SYNDIG1: variants seen among roughly 807,000 people sequenced by gnomAD.
SYNDIG1 encodes synapse differentiation-inducing gene protein 1.
Under a neutral mutation model 19.4 loss-of-function variants are expected in SYNDIG1, and 9 were observed. The ratio of observed to expected loss-of-function variants is 0.46; its 90% confidence interval spans 0.28 to 0.81. The LOEUF (loss-of-function observed/expected upper bound fraction) is 0.81, where lower values mean the gene tolerates loss of function less well. Among genes scored for constraint, SYNDIG1 ranks in the 30% least tolerant of loss-of-function variants. The pLI is 0.12. For synonymous variants in SYNDIG1, 141 were observed against 145.9 expected (o/e 0.97, Z 0.24); for missense variants, 311 against 343.3 (o/e 0.91, Z 0.74).
chr20:24,485,842 C>A (rs1051386654), intron 1 of SYNDIG1, among the ~76,000 whole-genome samples: 1 of 152,182 alleles, frequency 6.6e-6, no homozygotes, highest in Admixed American at 6.5e-5. Context: ...GCCTTTCCCT[C>A]CTGGCTCCCA....
chr20:24,623,695 C>G (rs944138909), intron 3 of SYNDIG1, among the ~76,000 whole-genome samples: 1 of 152,006 alleles, frequency 6.6e-6, no homozygotes, highest in African/African-American at 2.4e-5. Flanking sequence ...TGGTATTATT[C>G]GAGGGTAAAT....
At chr20:24,646,593 G>A (rs2059424773) in intron 3 of SYNDIG1, among the ~76,000 whole-genome samples, 1 of 151,382 alleles carries the variant, frequency 6.6e-6, no homozygotes, top group African/African-American at 2.4e-5. Context: ...AGTCGAAGCA[G>A]CCCGAGGTCC....
chr20:24,508,652 G>A (rs1453298661), intron 1 of SYNDIG1, among the ~76,000 whole-genome samples: 1 of 152,174 alleles, frequency 6.6e-6, no homozygotes, highest in Non-Finnish European at 1.5e-5. Flanking sequence ...TCAGAGGAAA[G>A]CCTAGAAGTT....
intron 1 of SYNDIG1, among the ~76,000 whole-genome samples, chr20:24,472,508 GA>G (rs1448952325): frequency 1.3e-5 from 2 of 152,172 alleles, no homozygotes; most frequent in Non-Finnish European, 2.9e-5. Context: ...TCAGAGAATA[GA>G]AAGTTGTTTT....
intron 1 of SYNDIG1, among the ~76,000 whole-genome samples, chr20:24,505,743 C>T (rs2056575387): frequency 6.6e-6 from 1 of 152,200 alleles, no homozygotes; most frequent in African/African-American, 2.4e-5. Context: ...GGAGCTGGGA[C>T]TTATTTTAGA....
At chr20:24,657,048 T>G (rs1568720045) in intron 3 of SYNDIG1, among the ~76,000 whole-genome samples, 1 of 152,176 alleles carries the variant, frequency 6.6e-6, no homozygotes, top group African/African-American at 2.4e-5. Context: ...ACTTCCTCCA[T>G]GAGTGAAAAG....
chr20:24,529,667 C>T (rs1025378326), intron 1 of SYNDIG1, among the ~76,000 whole-genome samples: 12 of 152,158 alleles, frequency 7.9e-5, no homozygotes, highest in Admixed American at 2.6e-4. Flanking sequence ...GCTGTACAAA[C>T]GCAGGTGTTA....
chr20:24,497,735 G>C (rs1274807207), intron 1 of SYNDIG1, among the ~76,000 whole-genome samples: 1 of 152,200 alleles, frequency 6.6e-6, no homozygotes, highest in Non-Finnish European at 1.5e-5. Context: ...GCCCATTGCT[G>C]TTAAAAAGAA....
intron 1 of SYNDIG1, among the ~76,000 whole-genome samples, chr20:24,500,578 T>C (rs1342501324): frequency 6.6e-6 from 1 of 151,910 alleles, no homozygotes. Flanking sequence ...CTCTTTCTTC[T>C]TTTTTTCCTT....
chr20:24,484,492 C>T (rs1308902302), intron 1 of SYNDIG1, among the ~76,000 whole-genome samples: 1 of 152,140 alleles, frequency 6.6e-6, no homozygotes, highest in Admixed American at 6.5e-5. Flanking sequence ...GGTCAGGTCA[C>T]GTCACTGTCG....
intron 1 of SYNDIG1, among the ~76,000 whole-genome samples, chr20:24,514,396 T>C (rs2056817132): frequency 6.6e-6 from 1 of 151,978 alleles, no homozygotes; most frequent in Non-Finnish European, 1.5e-5. Context: ...TGTGCAGAGA[T>C]AAACATAGGC....
At chr20:24,498,908 G>A (rs1319538367) in intron 1 of SYNDIG1, among the ~76,000 whole-genome samples, 2 of 152,206 alleles carry the variant, frequency 1.3e-5, no homozygotes, top group Non-Finnish European at 2.9e-5. Flanking sequence ...ACAACCAGAA[G>A]CAGGATTGCC....
At chr20:24,619,790 G>C (rs1047851717) in intron 3 of SYNDIG1, among the ~76,000 whole-genome samples, 1 of 152,152 alleles carries the variant, frequency 6.6e-6, no homozygotes, top group African/African-American at 2.4e-5. Context: ...CTGTATCCCA[G>C]ACCCCATGTG....
intron 3 of SYNDIG1, among the ~76,000 whole-genome samples, chr20:24,612,467 G>A (rs1164045563): frequency 6.6e-6 from 1 of 152,138 alleles, no homozygotes. Context: ...TCATGACGTG[G>A]CATCCCAAGC....
At chr20:24,599,093 C>T (rs1424639764) in intron 3 of SYNDIG1, among the ~76,000 whole-genome samples, 1 of 152,092 alleles carries the variant, frequency 6.6e-6, no homozygotes, top group Non-Finnish European at 1.5e-5. Context: ...CTAGACATCT[C>T]ACAAGGGATT....
At chr20:24,570,334 C>CA (rs554385887) in intron 2 of SYNDIG1, among the ~76,000 whole-genome samples, 98 of 151,914 alleles carry the variant, frequency 6.5e-4, no homozygotes, top group Middle Eastern at 3.4e-3. Flanking sequence ...TTTTGCTCTG[C>CA]AAAAAAACAC....
At chr20:24,544,465 A>G (rs2057535392) in intron 2 of SYNDIG1, among the ~76,000 whole-genome samples, 1 of 152,122 alleles carries the variant, frequency 6.6e-6, no homozygotes, top group South Asian at 2.1e-4. Context: ...CCAAAAGGGG[A>G]AGGGATGTCT....
chr20:24,583,383 G>A (rs1026670675), intron 2 of SYNDIG1, among the ~76,000 whole-genome samples: 18 of 152,220 alleles, frequency 1.2e-4, no homozygotes, highest in Non-Finnish European at 1.5e-4. Context: ...TTCTCGAAGC[G>A]CTCCAGCTTG....
At chr20:24,521,047 T>A (rs573529367) in intron 1 of SYNDIG1, among the ~76,000 whole-genome samples, 1 of 152,214 alleles carries the variant, frequency 6.6e-6, no homozygotes, top group Non-Finnish European at 1.5e-5. Context: ...AGGTACCTCA[T>A]ATAAGTGGAA....
Sources: gnomAD v4.1 joint callset for allele counts (sites outside exome capture counted in the v4.1 genomes callset) on GRCh38, gnomAD v4.1.1 for gene constraint, MANE v1.5 for transcripts, NCBI Gene and HGNC (gene_info 2026-07-23, HGNC 2026-07-21) for gene names.